Variants in EYA1 observed in about 807,000 individuals in gnomAD.
EYA1 encodes protein phosphatase EYA1.
A neutral mutation model predicts 82.0 loss-of-function variants in EYA1; 16 were observed. The observed-to-expected ratio is 0.20, with a 90% CI of 0.13 to 0.30. The LOEUF is 0.30. Ranked by LOEUF, EYA1 falls within the 10% of genes least tolerant of loss-of-function variation. EYA1 has a pLI of 1.00. For missense variants in EYA1, 633 were observed against 730.7 expected (o/e 0.87, Z 1.54); for synonymous variants, 261 against 264.4 (o/e 0.99, Z 0.12).
chr8:71,392,402 AAG>A (rs1363304181), intron 2 of EYA1, among the ~76,000 whole-genome samples: 1 of 152,154 alleles, frequency 6.6e-6, no homozygotes, highest in African/African-American at 2.4e-5. Flanking sequence ...CATGACAGGA[AAG>A]AGGGGGAAAA....
At chr8:71,422,696 C>T (rs1271299146) in intron 2 of EYA1, among the ~76,000 whole-genome samples, 3 of 152,094 alleles carry the variant, frequency 2.0e-5, no homozygotes, top group African/African-American at 7.2e-5. Flanking sequence ...ACAAACGCAT[C>T]CTTCTTCACA....
chr8:71,273,832 G>GA (rs1421457197), intron 9 of EYA1, among the ~76,000 whole-genome samples: 1 of 152,158 alleles, frequency 6.6e-6, no homozygotes, highest in Non-Finnish European at 1.5e-5. Flanking sequence ...AAAAGACATC[G>GA]AGCAATGTAA....
intron 12 of EYA1, among the ~76,000 whole-genome samples, chr8:71,219,631 TA>T (rs956715677): frequency 1.6e-4 from 25 of 152,232 alleles, no homozygotes; most frequent in African/African-American, 5.8e-4. Context: ...AAAATTGTTT[TA>T]AATCTTAAGG....
At chr8:71,275,290 T>G (rs181723926) in intron 9 of EYA1, among the ~76,000 whole-genome samples, 1 of 152,324 alleles carries the variant, frequency 6.6e-6, no homozygotes, top group South Asian at 2.1e-4. Context: ...CCCATGTCAG[T>G]GGTTTCACAA....
Position 71,244,622 on chromosome 8 carries a change from A to G in EYA1, c.1121T>C (p.Leu374Ser). 1 of 1,600,530 alleles carries G rather than the reference A, an allele frequency of 6.2e-7. No homozygotes were observed. Among genetic ancestry groups the G allele is most frequent in the Non-Finnish European group, 8.6e-7 (1 of 1,168,622 alleles). Reference protein sequence around the residue: ...EMIFNLADTHLFFNDLEECDQ... With the variant: ...EMIFNLADTHSFFNDLEECDQ... ...ACTTACTTCTAAGTCATTAAAAAATAAATGTGTGTCTGCCAAGTTGAAAAT... is the reference window on the plus strand; with the variant it reads ...ACTTACTTCTAAGTCATTAAAAAATGAATGTGTGTCTGCCAAGTTGAAAAT... The change falls in exon 12 of 18, where the codon TTA (leucine) becomes TCA (serine). Residue 374 changes from leucine to serine, a missense_variant. Physicochemically the swap from Leu to Ser is moderately radical, Grantham distance 145 (BLOSUM62 -2). Transcript: ENST00000340726.
intron 2 of EYA1, among the ~76,000 whole-genome samples, chr8:71,401,019 G>A (rs556767055): frequency 9.9e-5 from 15 of 152,134 alleles, no homozygotes; most frequent in South Asian, 2.1e-4. Context: ...CATTATCCTC[G>A]GCAAACTAAC....
At chr8:71,271,040 G>A (rs528708110) in intron 10 of EYA1, among the ~76,000 whole-genome samples, 42 of 152,264 alleles carry the variant, frequency 2.8e-4, no homozygotes, top group African/African-American at 9.6e-4. Flanking sequence ...GAACCGGGAG[G>A]CAGAGGTTGC....
At chr8:71,476,926 A>G (rs1442601188) in intron 2 of EYA1, among the ~76,000 whole-genome samples, 1 of 152,134 alleles carries the variant, frequency 6.6e-6, no homozygotes, top group Non-Finnish European at 1.5e-5. Context: ...ACACCCACAC[A>G]TCTAGGTCGA....
In EYA1 at chr8:71,362,055, C is replaced by CA. The variant is rs1196629826; in HGVS notation, c.-464dup. The CA allele has an allele frequency of 1.0e-6, 1 of 985,172 alleles. No homozygotes were observed. Among genetic ancestry groups the CA allele is most frequent in the Admixed American group, 6.2e-5 (1 of 16,228 alleles). 61.0% of individuals were successfully genotyped at this position (985,172 alleles called of 1,614,324 possible). A position where few individuals can be genotyped will look rare whatever the true frequency, so the allele number is the denominator to read the frequency against. On this transcript the variant is annotated 5_prime_UTR_variant, in exon 1 of 18. The change abolishes the stop of an existing upstream ORF in the 5' untranslated region. Coordinates refer to ENST00000340726, the MANE Select transcript of EYA1 (RefSeq NM_000503.6). The stretch of plus-strand genomic sequence containing the variant: ...CTCCTTCCCCACCAAACAGCAGCGG[C>CA]AGATAGCATCTGAGAACCCTAGACA...
At chr8:71,240,993 A>C (rs1812414849) in intron 12 of EYA1, among the ~76,000 whole-genome samples, 1 of 152,242 alleles carries the variant, frequency 6.6e-6, no homozygotes, top group African/African-American at 2.4e-5. Context: ...CCATATAGGC[A>C]TCATCGTATT....
chr8:71,232,427 A>G (rs1811310794), intron 12 of EYA1, among the ~76,000 whole-genome samples: 1 of 152,260 alleles, frequency 6.6e-6, no homozygotes. Context: ...GAAGACAACG[A>G]GTAAAAGGAC....
chr8:71,343,846 T>C (rs1825418505), intron 3 of EYA1, among the ~76,000 whole-genome samples: 2 of 152,208 alleles, frequency 1.3e-5, no homozygotes, highest in African/African-American at 4.8e-5. Context: ...AGTTTATTTG[T>C]ATACAGTAAA....
At chr8:71,279,273 CT>C (rs929240346) in intron 9 of EYA1, among the ~76,000 whole-genome samples, 2 of 152,172 alleles carry the variant, frequency 1.3e-5, no homozygotes, top group African/African-American at 4.8e-5. Context: ...AGACTCAAGC[CT>C]TAAAGCACAT....
intron 2 of EYA1, among the ~76,000 whole-genome samples, chr8:71,470,256 T>C (rs1157871394): frequency 6.6e-6 from 1 of 152,130 alleles, no homozygotes; most frequent in Non-Finnish European, 1.5e-5. Context: ...AATTGCATAT[T>C]TTGTTTCAAA....
intron 2 of EYA1, among the ~76,000 whole-genome samples, chr8:71,355,841 A>G (rs188083748): frequency 6.6e-6 from 1 of 152,320 alleles, no homozygotes; most frequent in Admixed American, 6.5e-5. Flanking sequence ...TATATTTAAT[A>G]CCCTATTAGT....
intron 2 of EYA1, among the ~76,000 whole-genome samples, chr8:71,379,349 A>G (rs926167864): frequency 2.1e-4 from 32 of 152,206 alleles, no homozygotes; most frequent in Middle Eastern, 3.4e-3. Context: ...ACAGGCACTA[A>G]GGCCAGGATG....
At chr8:71,448,062 G>C (rs1807044790) in intron 2 of EYA1, among the ~76,000 whole-genome samples, 1 of 130,240 alleles carries the variant, frequency 7.7e-6, no homozygotes, top group Non-Finnish European at 1.5e-5. Context: ...GCGGTGGCAT[G>C]ATCTTGGCTC....
intron 2 of EYA1, among the ~76,000 whole-genome samples, chr8:71,443,958 G>T (rs770899691): frequency 6.6e-6 from 1 of 152,200 alleles, no homozygotes; most frequent in Non-Finnish European, 1.5e-5. Flanking sequence ...CTCTAGAAAG[G>T]CCAGACACAT....
Position 71,199,742 on chromosome 8 carries a change from G to A in EYA1, c.1699-322C>T, listed in dbSNP as rs554781080. On this transcript the variant is annotated intron_variant, in intron 17 of 17. Transcript: ENST00000340726. ...GTTGCCAAATATGGCAGCTGTTCAC[G>A]TATCCAGTGGGTTTTTCATGCTGAA... Among the ~76,000 whole-genome samples, 12 of 152,198 alleles carry A rather than the reference G, an allele frequency of 7.9e-5. No individual in the cohort carries two copies. In the South Asian group the frequency reaches 8.3e-4, roughly 11 times the overall value.
Sources: gnomAD v4.1 joint callset for allele counts (sites outside exome capture counted in the v4.1 genomes callset) on GRCh38, gnomAD v4.1.1 for gene constraint, MANE v1.5 for transcripts, NCBI Gene and HGNC (gene_info 2026-07-23, HGNC 2026-07-21) for gene names.